Variants in DNALI1 observed in about 807,000 individuals in gnomAD.
The protein encoded by DNALI1 is dynein axonemal light intermediate chain 1.
In DNALI1, 31 loss-of-function variants were observed where a neutral mutation model predicts 33.9. The ratio of observed to expected loss-of-function variants is 0.91; its 90% CI spans 0.69 to 1.23. The LOEUF (loss-of-function observed/expected upper bound fraction) is 1.23, where lower values mean the gene tolerates loss of function less well. DNALI1 is among the 50% of genes most tolerant of loss of function. DNALI1 has a pLI of 0.00. For synonymous variants in DNALI1, 117 were observed against 129.2 expected (o/e 0.91, Z 0.64); for missense variants, 305 against 323.8 (o/e 0.94, Z 0.44).
In DNALI1 at chr1:37,566,676, CTCTTA is replaced by C; in HGVS notation, c.*1618_*1622del. The C allele has an allele frequency of 1.7e-6, 1 of 602,966 alleles. No homozygotes were observed. Among genetic ancestry groups the C allele is most frequent in the Non-Finnish European group, 2.9e-6 (1 of 346,234 alleles). The allele number at this position is 602,966 out of a possible 1,614,324, so 37.4% of individuals were successfully genotyped here. ...CTACCTGAAGTGCTAGACTTTCAGA[CTCTTA>C]TCACTGAAATCCTTAAGGTTGAGGA... On this transcript the variant is annotated 3_prime_UTR_variant, in exon 6 of 6. Transcript: ENST00000652629.
In DNALI1 at chr1:37,565,074, G is replaced by A; in HGVS notation, c.*13G>A. 1.9e-6 allele frequency: 3 copies of A among 1,614,060 alleles called. No homozygotes were observed. Among genetic ancestry groups the A allele is most frequent in the Non-Finnish European group, 1.7e-6 (2 of 1,179,994 alleles). Reference sequence around the variant, plus strand: ...ACCAAAGAAGTGATAATTTCCACATGATTAATTTCCAACAAGACACTTGGG... The same window carrying A: ...ACCAAAGAAGTGATAATTTCCACATAATTAATTTCCAACAAGACACTTGGG... On this transcript the variant is annotated 3_prime_UTR_variant, in exon 6 of 6. Transcript: ENST00000652629.
At position 37,556,980 on chromosome 1, in the gene DNALI1, A is replaced by G. The variant is rs140783025; in HGVS notation, c.-15A>G. ...TGGACAGGGCAGCTGCTGGGTTGCT[A>G]CTCTCGCCTCCGCCATGATTCCGCC... On this transcript the variant is annotated 5_prime_UTR_variant, in exon 1 of 6. Coordinates refer to ENST00000652629, the MANE Select transcript of DNALI1 (RefSeq NM_003462.5). 132 of 1,613,564 alleles carry G rather than the reference A, an allele frequency of 8.2e-5. No homozygotes were observed. The highest frequency in any genetic ancestry group is 3.3e-4 in the Middle Eastern group (2 of 6,084).
chr1:37,566,621 G>A lies in DNALI1; in HGVS notation c.*1560G>A. ...CTGTCAGACAGTTATATGACAGGGT[G>A]ACTGTGGAACCTCTTAGTTCATCCA... On this transcript the variant is annotated 3_prime_UTR_variant, in exon 6 of 6. Coordinates refer to ENST00000652629, the MANE Select transcript of DNALI1 (RefSeq NM_003462.5). 1 of 497,020 alleles carries A rather than the reference G, an allele frequency of 2.0e-6. No homozygotes were observed. The highest frequency in any genetic ancestry group is 3.3e-5 in the East Asian group (1 of 30,584). The allele number at this position is 497,020 out of a possible 1,614,324, so 30.8% of individuals were successfully genotyped here.
intron 2 of DNALI1, among the ~76,000 whole-genome samples, chr1:37,558,881 G>C (rs1289922519): frequency 2.6e-5 from 4 of 152,216 alleles, no homozygotes; most frequent in African/African-American, 9.7e-5. Flanking sequence ...GGAAATGGGG[G>C]CCTACGCAGG....
At chr1:37,557,885 T>C in intron 2 of DNALI1, 137 bp downstream of exon 2, 3 of 1,226,392 alleles carry the variant, frequency 2.4e-6, no homozygotes, top group Non-Finnish European at 3.4e-6. Flanking sequence ...AGAACTTACA[T>C]ATGGCTGGAT....
At position 37,559,271 on chromosome 1, in the gene DNALI1, G is replaced by A; in HGVS notation, c.228-56G>A. On this transcript the variant is annotated intron_variant, in intron 2 of 5. Transcript: ENST00000652629. This position sits in a 1 kb window ranked among gnomAD's most constrained non-coding sequence, Gnocchi z 5.3. Reference sequence around the variant, plus strand: ...AGGGCTCAAAGGGCCCTCTGCTCATGTGCTAGGGACCTTCAAGTCAACGGG... The same window carrying A: ...AGGGCTCAAAGGGCCCTCTGCTCATATGCTAGGGACCTTCAAGTCAACGGG... The A allele has an allele frequency of 1.3e-6, 2 of 1,509,400 alleles. No homozygotes were observed. Among genetic ancestry groups the A allele is most frequent in the Non-Finnish European group, 1.8e-6 (2 of 1,124,434 alleles). The allele number at this position is 1,509,400 out of a possible 1,614,324, so 93.5% of individuals were successfully genotyped here. A position where few individuals can be genotyped will look rare whatever the true frequency, so the allele number is the denominator to read the frequency against.
chr1:37,561,256 C>T lies in DNALI1; in HGVS notation c.398-301C>T, dbSNP rs1643434679. ...AGTAGTAACCAGTTTTTACCTAAGG[C>T]AGGAAGGGAGGGGACCCAGTGCTGT... On this transcript the variant is annotated intron_variant, in intron 3 of 5. Coordinates refer to ENST00000652629, the MANE Select transcript of DNALI1 (RefSeq NM_003462.5). This position sits in a 1 kb window ranked among gnomAD's most constrained non-coding sequence, Gnocchi z 4.6. 12 of 332,878 alleles carry T rather than the reference C, an allele frequency of 3.6e-5. No homozygotes were observed. In the East Asian group the frequency reaches 5.9e-4, roughly 16 times the overall value. The allele number at this position is 332,878 out of a possible 1,614,324, so 20.6% of individuals were successfully genotyped here.
chr1:37,560,122 C>T (rs574067995), intron 3 of DNALI1, among the ~76,000 whole-genome samples: 3 of 152,282 alleles, frequency 2.0e-5, no homozygotes, highest in South Asian at 2.1e-4. Flanking sequence ...TCAGAACAAA[C>T]GTACAATCAG....
rs1269904645 is a variant in DNALI1, at chr1:37,562,215, G to A, written c.711G>A (p.Gln237=). ...AGAAGAAGCACAATGAGGAGATTCA[G>A]TTCCTGAAGCGAACAAATCAGCAGC... ...VEEKKHNEEI[Q]FLKRTNQQLK... The change falls in exon 5 of 6, where the codon CAG becomes CAA. Residue 237 remains glutamine, a synonymous_variant. Coordinates refer to ENST00000652629, the MANE Select transcript of DNALI1 (RefSeq NM_003462.5). This position sits in a 1 kb window ranked among gnomAD's most constrained non-coding sequence, Gnocchi z 5.8. The A allele has an allele frequency of 3.1e-6, 5 of 1,613,708 alleles. No homozygotes were observed. The Admixed American group carries it at 6.7e-5, about 22-fold the overall frequency.
intron 5 of DNALI1, 138 bp from the exon 6 acceptor site, chr1:37,564,888 G>T: frequency 1.2e-6 from 1 of 846,396 alleles, no homozygotes; most frequent in Non-Finnish European, 2.0e-6. Context: ...AGAAAATATG[G>T]ATTTGGGGAT....
rs755900637 is a variant in DNALI1, at chr1:37,562,234, C to T, written c.730C>T (p.Gln244Ter). 30 of 1,612,802 alleles carry T rather than the reference C, an allele frequency of 1.9e-5. No homozygotes were observed. In the South Asian group the frequency reaches 3.1e-4, roughly 17 times the overall value. Residue 244 changes from glutamine to a stop codon, truncating the protein, a stop_gained, in exon 5 of 6, where the codon CAG becomes TAG. Transcript: ENST00000652629. LOFTEE classifies it high-confidence loss of function. The surrounding 1 kb of genome is among the most constrained non-coding windows in gnomAD (Gnocchi z 5.8). ...EEIQFLKRTN[Q>*]QLKAQLEGII... is the part of the protein sequence containing the mutation. ...GATTCAGTTCCTGAAGCGAACAAAT[C>T]AGCAGCTGAAGGTAATCAACGCGCA...
Position 37,557,008 on chromosome 1 carries a change from C to A in DNALI1, c.14C>A (p.Ala5Glu). The A allele has an allele frequency of 6.2e-7, 1 of 1,614,226 alleles. No individual in the cohort carries two copies. The highest frequency in any genetic ancestry group is 8.5e-7 in the Non-Finnish European group (1 of 1,180,038). The change falls in exon 1 of 6, where the codon GCA becomes GAA. Residue 5 changes from alanine to glutamate, a missense_variant. Coordinates refer to ENST00000652629, the MANE Select transcript of DNALI1 (RefSeq NM_003462.5). MIPPADSLLKYDTPV... is the reference protein window; with the variant it reads MIPPEDSLLKYDTPV... ...CTCGCCTCCGCCATGATTCCGCCCG[C>A]AGACTCTTTGCTCAAGTACGACACC...
Position 37,565,316 on chromosome 1 carries a change from CGT to C in DNALI1, c.*261_*262del. ...AAGATGGTGTGGCCCTGTTAGTCTC[CGT>C]GTGTGGCTTACTAGCCAGCCTTGGG... On this transcript the variant is annotated 3_prime_UTR_variant, in exon 6 of 6. Coordinates refer to ENST00000652629, the MANE Select transcript of DNALI1 (RefSeq NM_003462.5). The C allele has an allele frequency of 1.9e-6, 1 of 521,982 alleles. No individual in the cohort carries two copies. 32.3% of individuals were successfully genotyped at this position (521,982 alleles called of 1,614,324 possible).
chr1:37,560,558 CT>C (rs1340661459), intron 3 of DNALI1: 1 of 152,210 alleles, frequency 6.6e-6, no homozygotes, highest in Non-Finnish European at 1.5e-5. Flanking sequence ...TTAACGGCAT[CT>C]TAGGGCAAAG....
chr1:37,558,093 T>C, intron 2 of DNALI1: 1 of 220,464 alleles, frequency 4.5e-6, no homozygotes, highest in Non-Finnish European at 8.8e-6. Context: ...CTAATAGACA[T>C]CTCAAACTCA....
rs757063771 is a variant in DNALI1, at chr1:37,557,664, C to T, written c.143C>T (p.Pro48Leu). 6 of 1,614,064 alleles carry T rather than the reference C, an allele frequency of 3.7e-6. No individual in the cohort carries two copies. The highest frequency in any genetic ancestry group is 4.2e-6 in the Non-Finnish European group (5 of 1,179,996). Residue 48 changes from proline to leucine, a missense_variant, in exon 2 of 6, where the codon CCC becomes CTC. Physicochemically the swap from Pro to Leu is moderately conservative, Grantham distance 98. Coordinates refer to ENST00000652629, the MANE Select transcript of DNALI1 (RefSeq NM_003462.5). Reference sequence around the variant, plus strand: ...CCTTCAGGTTCAGCCCCACAGCCACCCAAGACCAAGCTCCCCTCAACTCCC... The same window carrying T: ...CCTTCAGGTTCAGCCCCACAGCCACTCAAGACCAAGCTCCCCTCAACTCCC... ...PGPSGSAPQP[P>L]KTKLPSTPCV... is the part of the protein sequence containing the mutation.
chr1:37,564,886 T>C, intron 5 of DNALI1, 140 bp from the exon 6 acceptor site: 1 of 832,020 alleles, frequency 1.2e-6, no homozygotes, highest in Non-Finnish European at 2.0e-6. Flanking sequence ...CTAGAAAATA[T>C]GGATTTGGGG....
intron 2 of DNALI1, 142 bp downstream of exon 2, chr1:37,557,890 C>A: frequency 8.5e-7 from 1 of 1,178,802 alleles, no homozygotes; most frequent in African/African-American, 1.5e-5. Context: ...TTACATATGG[C>A]TGGATCCTGG....
Position 37,562,391 on chromosome 1 carries a change from G to A in DNALI1, c.741+146G>A. 1 of 1,132,206 alleles carries A rather than the reference G, an allele frequency of 8.8e-7. No individual in the cohort carries two copies. Among genetic ancestry groups the A allele is most frequent in the South Asian group, 1.6e-5 (1 of 61,046 alleles). The allele number at this position is 1,132,206 out of a possible 1,614,324, so 70.1% of individuals were successfully genotyped here. A position where few individuals can be genotyped will look rare whatever the true frequency, so the allele number is the denominator to read the frequency against. On this transcript the variant is annotated intron_variant, in intron 5 of 5. Transcript: ENST00000652629. The surrounding 1 kb of genome is among the most constrained non-coding windows in gnomAD (Gnocchi z 5.8). ...TAAAGGAAGCTGACTTTGGTGGTGG[G>A]AGAAGGGGAGGGCTCCAGAGGGGGT...
Sources: gnomAD v4.1 joint callset for allele counts (sites outside exome capture counted in the v4.1 genomes callset) on GRCh38, gnomAD v4.1.1 for gene constraint, Gnocchi (gnomAD v3.1) non-coding constraint, MANE v1.5 for transcripts, NCBI Gene and HGNC (gene_info 2026-07-23, HGNC 2026-07-21) for gene names.